The following CD160 variants were observed in gnomAD, a reference collection of about 807,000 sequenced individuals.
CD160 encodes the protein CD160 molecule, also known as CD160 antigen.
CD160 carries 11 observed loss-of-function variants against 19.2 expected under a neutral mutation model. That is an observed-to-expected ratio of 0.57 (90% CI 0.36 to 0.95). The LOEUF (loss-of-function observed/expected upper bound fraction) is 0.95. CD160 is among the 40% of genes least tolerant of loss of function. The pLI is 0.01. For missense variants in CD160, 182 were observed against 213.2 expected (o/e 0.85, Z 0.91); for synonymous variants, 75 against 81.1 (o/e 0.93, Z 0.40).
chr1:145,734,518 A>G (rs587663415), intron 4 of CD160, among the ~76,000 whole-genome samples: 1 of 152,340 alleles, frequency 6.6e-6, no homozygotes, highest in East Asian at 1.9e-4. Context: ...TGCTTCAGTT[A>G]AACTGCACTA....
At chr1:145,719,982 T>A (rs983730862) in intron 1 of CD160, among the ~76,000 whole-genome samples, 1 of 152,222 alleles carries the variant, frequency 6.6e-6, no homozygotes, top group African/African-American at 2.4e-5. Context: ...CGTGAATAGA[T>A]TTATTCATGG....
At chr1:145,722,326 G>A (rs1656882920) in intron 1 of CD160, among the ~76,000 whole-genome samples, 1 of 152,144 alleles carries the variant, frequency 6.6e-6, no homozygotes, top group South Asian at 2.1e-4. Flanking sequence ...AGGTCATTAA[G>A]AGATTAAGAA....
At position 145,730,830 on chromosome 1, in the gene CD160, GA is replaced by G; in HGVS notation, c.161del (p.Glu54GlyfsTer4). The G allele has an allele frequency of 6.2e-7, 1 of 1,614,192 alleles. No homozygotes were observed. On this transcript the variant is annotated frameshift_variant, in exon 4 of 6. Coordinates refer to ENST00000369288, the MANE Select transcript of CD160 (RefSeq NM_007053.4). LOFTEE classifies it high-confidence loss of function. ...TGTATGGCATAAGAAAGAAGAGGCT[GA>G]GGGGTTTGTAGTGTTTTTGTGCAAG... The part of the protein sequence containing the change: ...CTVWHKKEEA[E>X]GFVVFLCKDR...
intron 3 of CD160, among the ~76,000 whole-genome samples, chr1:145,729,632 C>T (rs1216188420): frequency 2.6e-5 from 4 of 152,226 alleles, no homozygotes; most frequent in Non-Finnish European, 4.4e-5. Context: ...AGACACCCAT[C>T]GAGCCAAAAC....
At chr1:145,737,063 A>C (rs1657525227) in intron 5 of CD160, 1 of 152,354 alleles carries the variant, frequency 6.6e-6, no homozygotes, top group Non-Finnish European at 1.5e-5. Flanking sequence ...TAGGAGTTTG[A>C]GGCCAGTCTG....
At chr1:145,737,640 G>A (rs1297640511) in intron 5 of CD160, 5 of 150,428 alleles carry the variant, frequency 3.3e-5, no homozygotes, top group African/African-American at 9.8e-5. Flanking sequence ...TTAGGCCACT[G>A]TAACCAGTAA....
intron 4 of CD160, among the ~76,000 whole-genome samples, chr1:145,735,068 CT>C (rs1232162143): frequency 2.6e-5 from 4 of 152,106 alleles, no homozygotes; most frequent in African/African-American, 9.7e-5. Flanking sequence ...GATTGCGCCA[CT>C]GCACTCGAGC....
Position 145,730,856 on chromosome 1 carries a change from G to A in CD160, c.186G>A (p.Lys62=). 1 of 1,614,118 alleles carries A rather than the reference G, an allele frequency of 6.2e-7. No homozygotes were observed. Among genetic ancestry groups the A allele is most frequent in the Non-Finnish European group, 8.5e-7 (1 of 1,179,978 alleles). Residue 62 remains lysine (K), a synonymous_variant, in exon 4 of 6, where the codon AAG becomes AAA. Transcript: ENST00000369288. ...EAEGFVVFLC[K]DRSGDCSPET... ...AGGGGTTTGTAGTGTTTTTGTGCAA[G>A]GACAGGTCTGGAGACTGTTCTCCTG... is the stretch of plus-strand genomic sequence containing the variant.
rs781885066 is a variant in CD160, at chr1:145,728,361, C to T, written c.34C>T (p.Leu12=). 5 of 1,613,324 alleles carry T rather than the reference C, an allele frequency of 3.1e-6. No individual in the cohort carries two copies. The highest frequency in any genetic ancestry group is 1.1e-5 in the South Asian group (1 of 91,062). The change falls in exon 3 of 6, where the codon CTG becomes TTG. Residue 12 remains leucine (L), a synonymous_variant. Transcript: ENST00000369288. ...GGAACCCGGCAGAGGCTGCTGTGCC[C>T]TGGCCATCCTGCTGGCAATTGTGGA... ...LLEPGRGCCA[L]AILLAIVDIQ... is the part of the protein sequence containing the mutation.
intron 4 of CD160, among the ~76,000 whole-genome samples, chr1:145,734,883 G>C (rs781889209): frequency 4.6e-5 from 7 of 152,096 alleles, no homozygotes; most frequent in Non-Finnish European, 7.4e-5. Flanking sequence ...GAGGCTGGCA[G>C]ATCATTTGAG....
At chr1:145,738,335 C>T (rs782224013) in intron 5 of CD160, 151 bp from the exon 6 acceptor site, 8 of 447,090 alleles carry the variant, frequency 1.8e-5, no homozygotes, top group Admixed American at 7.6e-5. Flanking sequence ...AGATGCAATA[C>T]ATAAAATAGT....
intron 4 of CD160, among the ~76,000 whole-genome samples, chr1:145,734,933 C>T (rs782222330): frequency 6.6e-6 from 1 of 151,972 alleles, no homozygotes. Context: ...ATGGTGAAAC[C>T]CTGTCTCTAC....
chr1:145,722,549 T>G (rs1656893990), intron 1 of CD160, among the ~76,000 whole-genome samples: 1 of 152,198 alleles, frequency 6.6e-6, no homozygotes, highest in Non-Finnish European at 1.5e-5. Context: ...CCCAGGAGCC[T>G]AAGAAACTTG....
intron 4 of CD160, among the ~76,000 whole-genome samples, chr1:145,734,406 CAA>C (rs1319047651): frequency 1.3e-5 from 2 of 152,226 alleles, no homozygotes; most frequent in African/African-American, 4.8e-5. Context: ...CCACATCACT[CAA>C]AGTTTTAATG....
chr1:145,719,740 G>A (rs782076646), intron 1 of CD160, among the ~76,000 whole-genome samples, 181 bp downstream of exon 1: 5 of 152,178 alleles, frequency 3.3e-5, no homozygotes, highest in African/African-American at 4.8e-5. Flanking sequence ...CAGCATGCTC[G>A]CTTTTCTTCC....
Position 145,723,704 on chromosome 1 carries a change from C to A in CD160, c.-178-1097C>A, listed in dbSNP as rs1469566339. Among the ~76,000 whole-genome samples the A allele has an allele frequency of 3.3e-5, 5 of 152,122 alleles. No individual in the cohort carries two copies. In the East Asian group the frequency reaches 9.6e-4, roughly 29 times the overall value. ...GTTCAAGCAATTATCCTGCCTCAGC[C>A]TCCTGAGTAGGTGGGATCACAGGCA... On this transcript the variant is annotated intron_variant, in intron 1 of 5. Coordinates refer to ENST00000369288, the MANE Select transcript of CD160 (RefSeq NM_007053.4).
chr1:145,726,427 T>C (rs1286115418), intron 2 of CD160, among the ~76,000 whole-genome samples: 1 of 152,194 alleles, frequency 6.6e-6, no homozygotes, highest in African/African-American at 2.4e-5. Flanking sequence ...TCATGTCCTT[T>C]GCAGGGACAT....
At chr1:145,723,410 T>G (rs2624780) in intron 1 of CD160, among the ~76,000 whole-genome samples, 6,934 of 152,274 alleles carry the variant, frequency 0.046, 552 homozygotes, top group African/African-American at 0.16. Context: ...CTAATAATTA[T>G]ATCCAGGAAA....
intron 3 of CD160, among the ~76,000 whole-genome samples, chr1:145,729,663 T>A (rs996066229): frequency 2.0e-5 from 3 of 152,206 alleles, no homozygotes; most frequent in Non-Finnish European, 2.9e-5. Flanking sequence ...AACCCAACTA[T>A]TTTCTCCACT....
Sources: allele counts gnomAD v4.1 joint callset (sites outside exome capture counted in the v4.1 genomes callset), GRCh38; gene constraint gnomAD v4.1.1; transcripts MANE v1.5; gene names NCBI Gene and HGNC (gene_info 2026-07-23, HGNC 2026-07-21).